The following NAALAD2 variants were observed in gnomAD, a reference collection of about 807,000 sequenced individuals.
NAALAD2 encodes N-acetylated-alpha-linked acidic dipeptidase 2.
Under a neutral mutation model 95.6 loss-of-function variants are expected in NAALAD2, and 89 were observed. The ratio of observed to expected loss-of-function variants is 0.93; its 90% confidence interval spans 0.78 to 1.11. The LOEUF (loss-of-function observed/expected upper bound fraction) is 1.11, where lower values mean the gene tolerates loss of function less well. Ranked by LOEUF, NAALAD2 falls within the 50% of genes least tolerant of loss-of-function variation. The pLI, the probability that NAALAD2 is intolerant of heterozygous loss-of-function variation, is 0.00. For missense variants in NAALAD2, 894 were observed against 872.4 expected (o/e 1.02, Z -0.31); for synonymous variants, 264 against 294.4 (o/e 0.90, Z 1.06).
rs1482072636 is a variant in NAALAD2, at chr11:90,155,564, TATA to T, written c.797-2577_797-2575del. On this transcript the variant is annotated intron_variant, in intron 6 of 18. Coordinates refer to ENST00000534061, the MANE Select transcript of NAALAD2 (RefSeq NM_005467.4). Reference sequence around the variant, plus strand: ...TATATATGATATATAATGTGTAATATATAATATATAATATATATGTAATATATA... The same window carrying T: ...TATATATGATATATAATGTGTAATATATATATAATATATATGTAATATATA... Among the ~76,000 whole-genome samples, 52 of 87,478 alleles carry T rather than the reference TATA, an allele frequency of 5.9e-4. 1 individual carries two copies. Among genetic ancestry groups the T allele is most frequent in the African/African-American group, 2.4e-3 (46 of 19,366 alleles). 57.4% of individuals were successfully genotyped at this position (87,478 alleles called of 152,430 possible).
chr11:90,134,229 G>A (rs1951401282), upstream of NAALAD2, among the ~76,000 whole-genome samples: 1 of 152,140 alleles, frequency 6.6e-6, no homozygotes, highest in African/African-American at 2.4e-5. Context: ...CAATCCCATC[G>A]ATTTTGATGC....
chr11:90,155,588 A>T (rs1294583035), intron 6 of NAALAD2, among the ~76,000 whole-genome samples: 7 of 77,394 alleles, frequency 9.0e-5, no homozygotes, highest in African/African-American at 4.2e-4. Context: ...TATATGTAAT[A>T]TATATGTAAT....
chr11:90,139,518 T>C (rs2187318), intron 2 of NAALAD2, among the ~76,000 whole-genome samples: 68,728 of 151,958 alleles, frequency 0.45, 16,616 homozygotes, highest in African/African-American at 0.62. Context: ...ATTTTCTTAA[T>C]GTCATCTGAA....
intron 8 of NAALAD2, 28 bp downstream of exon 8, chr11:90,159,365 A>G (rs750573481): frequency 1.3e-6 from 2 of 1,505,532 alleles, no homozygotes; most frequent in South Asian, 2.3e-5. Context: ...TAATAGTCTG[A>G]AAAAGTTTTA....
At chr11:90,161,951 T>C (rs1952311052) in intron 8 of NAALAD2, among the ~76,000 whole-genome samples, 2 of 152,052 alleles carry the variant, frequency 1.3e-5, no homozygotes, top group African/African-American at 4.8e-5. Flanking sequence ...TCGATTAGTT[T>C]TCCTCTGAGG....
chr11:90,135,138 G>A (rs976662338), intron 1 of NAALAD2: 4 of 370,690 alleles, frequency 1.1e-5, no homozygotes, highest in Non-Finnish European at 1.9e-5. Flanking sequence ...TTATTTCCAA[G>A]CAACATTAGT....
intron 13 of NAALAD2, among the ~76,000 whole-genome samples, chr11:90,171,136 A>T (rs983171129): frequency 6.6e-6 from 1 of 152,216 alleles, no homozygotes; most frequent in Non-Finnish European, 1.5e-5. Context: ...AAGGACTCTG[A>T]ATCTCTAAAA....
intron 6 of NAALAD2, among the ~76,000 whole-genome samples, chr11:90,155,409 G>GTA (rs1463786787): frequency 1.0e-5 from 1 of 97,984 alleles, no homozygotes; most frequent in South Asian, 3.0e-4. Flanking sequence ...TATATATAAT[G>GTA]TAATATTACA....
At chr11:90,162,796 T>C in intron 8 of NAALAD2, 153 bp from the exon 9 acceptor site, 1 of 480,490 alleles carries the variant, frequency 2.1e-6, no homozygotes. Context: ...TGTTAACAAT[T>C]ATTGAATTTA....
chr11:90,151,703 T>C (rs1478056414), intron 5 of NAALAD2, among the ~76,000 whole-genome samples: 1 of 152,188 alleles, frequency 6.6e-6, no homozygotes, highest in Non-Finnish European at 1.5e-5. Flanking sequence ...TACAATACTT[T>C]TGGTGAAGAA....
chr11:90,158,261 G>T (rs2134900064), intron 7 of NAALAD2, 23 bp downstream of exon 7: 1 of 1,547,932 alleles, frequency 6.5e-7, no homozygotes, highest in South Asian at 1.1e-5. Context: ...TGTTGGATAT[G>T]AGATTAAGAT....
chr11:90,185,949 T>C (rs10830437), intron 18 of NAALAD2, among the ~76,000 whole-genome samples: 13,796 of 151,740 alleles, frequency 0.091, 929 homozygotes, highest in East Asian at 0.2. Context: ...TTCTGGCTCA[T>C]TGGCTTTTGA....
intron 15 of NAALAD2, 26 bp downstream of exon 15, chr11:90,176,088 T>C (rs1163224065): frequency 5.8e-6 from 9 of 1,554,174 alleles, no homozygotes; most frequent in Non-Finnish European, 8.0e-6. Flanking sequence ...ATTTTGAATA[T>C]ATAACATTTC....
rs138319926 is a variant in NAALAD2, at chr11:90,177,979, G to T, written c.1720G>T (p.Val574Leu). 2.4e-5 allele frequency: 38 copies of T among 1,613,676 alleles called. No individual in the cohort carries two copies. The highest frequency in any genetic ancestry group is 3.1e-5 in the Non-Finnish European group (36 of 1,179,962). ...TGTGGCTCAATTACGAGGAGCACTG[G>T]TATATGAGCTTGTGGATTCTAAAAT... The part of the protein sequence containing the change: ...LSVAQLRGAL[V>L]YELVDSKIIP... The change falls in exon 16 of 19, where the codon GTA becomes TTA. Residue 574 changes from valine (V) to leucine (L), a missense_variant. Val to Leu is a conservative substitution (Grantham distance 32, BLOSUM62 1). Coordinates refer to ENST00000534061, the MANE Select transcript of NAALAD2 (RefSeq NM_005467.4).
chr11:90,152,871 AT>A (rs1486189066), intron 6 of NAALAD2, among the ~76,000 whole-genome samples: 1 of 47,848 alleles, frequency 2.1e-5, no homozygotes, highest in Non-Finnish European at 3.5e-5. Flanking sequence ...TTTGAATTAC[AT>A]TTTTTAAAAA....
rs1369420070 is a variant in NAALAD2 at position 90,163,590 on chromosome 11, A to T, written c.1251A>T (p.Gly417=). 1 of 1,614,120 alleles carries T rather than the reference A, an allele frequency of 6.2e-7. No individual in the cohort carries two copies. The highest frequency in any genetic ancestry group is 1.1e-5 in the South Asian group (1 of 91,080). The change falls in exon 11 of 19, where the codon GGA becomes GGT. Residue 417 remains glycine, a synonymous_variant. Transcript: ENST00000534061. ...IFASWDAEEF[G]LLGSTEWAEE... is the part of the protein sequence containing the mutation. ...CCAGCTGGGATGCAGAAGAATTTGG[A>T]CTTCTGGGTTCCACAGAATGGGCTG...
intron 7 of NAALAD2, chr11:90,158,586 C>T (rs1274387251): frequency 4.9e-6 from 1 of 205,926 alleles, no homozygotes; most frequent in Non-Finnish European, 9.6e-6. Context: ...ACAATGCCCC[C>T]CACTTACTAG....
intron 13 of NAALAD2, 136 bp from the exon 14 acceptor site, chr11:90,173,686 CAT>C (rs557535841): frequency 2.3e-4 from 106 of 469,340 alleles, no homozygotes; most frequent in African/African-American, 1.9e-3. Flanking sequence ...TTCTATAAAA[CAT>C]ATACATGTGT....
intron 16 of NAALAD2, among the ~76,000 whole-genome samples, chr11:90,178,696 T>A (rs180914394): frequency 4.6e-5 from 7 of 152,062 alleles, no homozygotes; most frequent in African/African-American, 1.4e-4. Flanking sequence ...TTTACTGTTA[T>A]AGAAACAATA....
Sources: gnomAD v4.1 joint callset for allele counts (sites outside exome capture counted in the v4.1 genomes callset) on GRCh38, gnomAD v4.1.1 for gene constraint, MANE v1.5 for transcripts, NCBI Gene and HGNC (gene_info 2026-07-23, HGNC 2026-07-21) for gene names.